The following ANKMY2 variants were observed in gnomAD, a reference collection of about 807,000 sequenced individuals.
ANKMY2 encodes the protein ankyrin repeat and MYND domain-containing protein 2.
In ANKMY2, 36 loss-of-function variants were observed where a neutral mutation model predicts 50.4. The ratio of observed to expected loss-of-function variants is 0.71; its 90% CI spans 0.55 to 0.94. ANKMY2 has a LOEUF of 0.94. Ranked by LOEUF, ANKMY2 falls within the 40% of genes least tolerant of loss-of-function variation. The pLI, the probability that ANKMY2 is intolerant of heterozygous loss-of-function variation, is 0.00. For missense variants in ANKMY2, 565 were observed against 524.0 expected, an observed-to-expected ratio of 1.08 and a Z score of -0.76; for synonymous variants, 187 against 178.8, an observed-to-expected ratio of 1.05 and a Z score of -0.36.
At chr7:16,638,569 T>C (rs987970162) in intron 1 of ANKMY2, among the ~76,000 whole-genome samples, 2 of 152,204 alleles carry the variant, frequency 1.3e-5, no homozygotes, top group African/African-American at 2.4e-5. Flanking sequence ...CTGCAACCTG[T>C]AGTTCAGTAA....
intron 7 of ANKMY2, among the ~76,000 whole-genome samples, chr7:16,607,296 T>C (rs1781176260): frequency 6.6e-6 from 1 of 152,208 alleles, no homozygotes; most frequent in Non-Finnish European, 1.5e-5. Flanking sequence ...CCGGGTACGG[T>C]GGCTCACGCC....
intron 2 of ANKMY2, among the ~76,000 whole-genome samples, chr7:16,633,903 C>G (rs1157257097): frequency 2.0e-5 from 3 of 151,978 alleles, no homozygotes; most frequent in Non-Finnish European, 4.4e-5. Context: ...ATGCCTATAG[C>G]TGATAAGTTT....
chr7:16,626,808 G>A (rs1781512833), intron 3 of ANKMY2, among the ~76,000 whole-genome samples: 1 of 152,134 alleles, frequency 6.6e-6, no homozygotes, highest in African/African-American at 2.4e-5. Context: ...CCATCAAAAT[G>A]TTGTCCACAT....
chr7:16,615,642 A>G (rs1402376275), intron 5 of ANKMY2, 102 bp downstream of exon 5: 14 of 1,484,646 alleles, frequency 9.4e-6, no homozygotes, highest in Non-Finnish European at 1.3e-5. Context: ...CTCTACAACT[A>G]CAAAACCCAC....
chr7:16,638,733 G>A (rs542524343), intron 1 of ANKMY2, among the ~76,000 whole-genome samples: 6 of 152,262 alleles, frequency 3.9e-5, no homozygotes, highest in African/African-American at 1.4e-4. Context: ...CCATCCTGAA[G>A]CTATCCAACA....
intron 5 of ANKMY2, among the ~76,000 whole-genome samples, chr7:16,611,905 T>C (rs551770391): frequency 3.0e-4 from 46 of 152,328 alleles, no homozygotes; most frequent in Middle Eastern, 3.4e-3. Context: ...CCCAGGCACA[T>C]GGGGCACTTT....
At chr7:16,629,835 C>T (rs1420984998) in intron 2 of ANKMY2, among the ~76,000 whole-genome samples, 2 of 152,096 alleles carry the variant, frequency 1.3e-5, no homozygotes, top group African/African-American at 4.8e-5. Context: ...TATGCATTAT[C>T]TTGGTTCTAG....
chr7:16,602,234 C>G (rs1280227924), intron 9 of ANKMY2, 146 bp downstream of exon 9: 1 of 958,960 alleles, frequency 1.0e-6, no homozygotes, highest in Non-Finnish European at 1.5e-6. Context: ...AAAAACGGGA[C>G]ACATTAAAAT....
rs780672289 is a variant in ANKMY2, at chr7:16,627,190, A to G, written c.133-12T>C. The G allele has an allele frequency of 6.5e-7, 1 of 1,547,766 alleles. No homozygotes were observed. Among genetic ancestry groups the G allele is most frequent in the Non-Finnish European group, 8.8e-7 (1 of 1,138,070 alleles). On this transcript the variant is annotated splice_polypyrimidine_tract_variant and intron_variant, in intron 2 of 9. Coordinates refer to ENST00000306999, the MANE Select transcript of ANKMY2 (RefSeq NM_020319.3). Reference sequence around the variant, plus strand: ...GGAGTCATTCCATTCTTTAATAGAAAGAGGAAAAAAGTATTAATTTTACTG... The same window carrying G: ...GGAGTCATTCCATTCTTTAATAGAAGGAGGAAAAAAGTATTAATTTTACTG...
chr7:16,617,774 T>A (rs1465421801), intron 4 of ANKMY2, among the ~76,000 whole-genome samples: 3 of 152,146 alleles, frequency 2.0e-5, no homozygotes, highest in Admixed American at 6.5e-5. Context: ...CAGACCAGCC[T>A]GGGTAACACA....
At position 16,600,701 on chromosome 7, in the gene ANKMY2, TAGG is replaced by T; in HGVS notation, c.*57_*59del. On this transcript the variant is annotated 3_prime_UTR_variant, in exon 10 of 10. Transcript: ENST00000306999. ...TAACAAGGTGAGGACAATGCATTCC[TAGG>T]AGTTTTCCAGCTTCTTGCAGGGTGA... 2.0e-6 allele frequency: 3 copies of T among 1,467,080 alleles called. No homozygotes were observed. The highest frequency in any genetic ancestry group is 1.4e-5 in the South Asian group (1 of 69,966). 90.9% of individuals were successfully genotyped at this position (1,467,080 alleles called of 1,614,324 possible). A position where few individuals can be genotyped will look rare whatever the true frequency, so the allele number is the denominator to read the frequency against.
chr7:16,626,908 A>G (rs1341330675), intron 3 of ANKMY2, 132 bp downstream of exon 3: 2 of 695,494 alleles, frequency 2.9e-6, no homozygotes, highest in Non-Finnish European at 4.1e-6. Context: ...TCAAAAACCA[A>G]TTGCCATCAT....
chr7:16,639,997 TAA>T (rs1174380154), intron 1 of ANKMY2, among the ~76,000 whole-genome samples: 1 of 143,056 alleles, frequency 7.0e-6, no homozygotes, highest in Non-Finnish European at 1.5e-5. Flanking sequence ...CCATCTCTAC[TAA>T]AAAAAAAAAT....
intron 2 of ANKMY2, among the ~76,000 whole-genome samples, chr7:16,628,281 TTATTATTATG>T (rs919661327): frequency 1.3e-5 from 2 of 152,158 alleles, no homozygotes; most frequent in African/African-American, 4.8e-5. Flanking sequence ...TGCTTCCAGA[TTATTATTATG>T]AACGTAAGCC....
chr7:16,640,949 A>T (rs1781736791), intron 1 of ANKMY2, among the ~76,000 whole-genome samples: 1 of 152,260 alleles, frequency 6.6e-6, no homozygotes, highest in South Asian at 2.1e-4. Flanking sequence ...ACGTATAAGT[A>T]AAATCATGTA....
Position 16,600,287 on chromosome 7 carries a change from A to C in ANKMY2, c.*474T>G, listed in dbSNP as rs1266587621. ...CCTTTCTTCATTTCATTGCATCTTA[A>C]TAAGTAGAATGCCACTACCGTAAAT... On this transcript the variant is annotated 3_prime_UTR_variant, in exon 10 of 10. Coordinates refer to ENST00000306999, the MANE Select transcript of ANKMY2 (RefSeq NM_020319.3). The C allele has an allele frequency of 6.6e-6, 1 of 152,582 alleles. No homozygotes were observed. The highest frequency in any genetic ancestry group is 1.5e-5 in the Non-Finnish European group (1 of 68,096). 9.5% of individuals were successfully genotyped at this position (152,582 alleles called of 1,614,324 possible).
At chr7:16,606,212 T>C (rs1450128249) in intron 7 of ANKMY2, among the ~76,000 whole-genome samples, 1 of 151,916 alleles carries the variant, frequency 6.6e-6, no homozygotes, top group Non-Finnish European at 1.5e-5. Context: ...AGGCAGATCA[T>C]TTGAGGTTAG....
intron 2 of ANKMY2, among the ~76,000 whole-genome samples, chr7:16,632,205 A>G (rs1475744634): frequency 6.7e-6 from 1 of 149,154 alleles, no homozygotes; most frequent in East Asian, 2.0e-4. Flanking sequence ...TTTGGTTTTA[A>G]GTTGATAATT....
chr7:16,626,979 A>G, intron 3 of ANKMY2, 61 bp downstream of exon 3: 2 of 1,345,076 alleles, frequency 1.5e-6, no homozygotes, highest in Non-Finnish European at 2.0e-6. Flanking sequence ...ATCTTTTAGT[A>G]TATATGTACT....
Sources: gnomAD v4.1 joint callset for allele counts (sites outside exome capture counted in the v4.1 genomes callset) on GRCh38, gnomAD v4.1.1 for gene constraint, MANE v1.5 for transcripts, NCBI Gene and HGNC (gene_info 2026-07-23, HGNC 2026-07-21) for gene names.